KCND3: variants seen among roughly 807,000 people sequenced by gnomAD.
KCND3 encodes the protein potassium voltage-gated channel subfamily D member 3.
A neutral mutation model predicts 51.1 loss-of-function variants in KCND3; 9 were observed. The observed-to-expected ratio is 0.18, with a 90% CI of 0.11 to 0.31. The LOEUF is 0.31. Among genes scored for constraint, KCND3 ranks in the 10% least tolerant of loss-of-function variants. The probability of loss-of-function intolerance (pLI) is 1.00; values close to 1 mark genes in which losing one functional copy is unlikely to be tolerated. For missense variants in KCND3, 526 were observed against 903.8 expected (o/e 0.58, Z 5.36); for synonymous variants, 349 against 368.0 (o/e 0.95, Z 0.59).
At chr1:111,965,486 A>ACACACACACACG (rs1239593623) in intron 2 of KCND3, among the ~76,000 whole-genome samples, 1 of 147,920 alleles carries the variant, frequency 6.8e-6, no homozygotes, top group Non-Finnish European at 1.5e-5. Context: ...ACACACACAC[A>ACACACACACACG]CACGCCAGGA....
chr1:111,883,990 T>C (rs17028950), intron 2 of KCND3, among the ~76,000 whole-genome samples: 2,191 of 152,344 alleles, frequency 0.014, 45 homozygotes, highest in African/African-American at 0.051. Context: ...GGGATTCCGA[T>C]GCAGATCTGT....
intron 2 of KCND3, among the ~76,000 whole-genome samples, chr1:111,803,261 C>T (rs1255550341): frequency 1.3e-5 from 2 of 152,162 alleles, no homozygotes; most frequent in Admixed American, 6.5e-5. Flanking sequence ...TTGCCTGGGA[C>T]ACCTCTGCCT....
At chr1:111,916,211 T>A (rs72692602) in intron 2 of KCND3, among the ~76,000 whole-genome samples, 2 of 151,976 alleles carry the variant, frequency 1.3e-5, no homozygotes, top group African/African-American at 4.8e-5. Context: ...TAGAATGAAA[T>A]CATATAGCCT....
chr1:111,838,875 A>G (rs1667197347), intron 2 of KCND3, among the ~76,000 whole-genome samples: 1 of 152,178 alleles, frequency 6.6e-6, no homozygotes, highest in Admixed American at 6.5e-5. Context: ...TTTACTCACA[A>G]TGTGATAGGG....
intron 2 of KCND3, among the ~76,000 whole-genome samples, chr1:111,805,991 A>G (rs1229223383): frequency 6.6e-6 from 1 of 152,202 alleles, no homozygotes; most frequent in Non-Finnish European, 1.5e-5. Context: ...GGTTCCCCTC[A>G]GGCCAAATCC....
chr1:111,812,259 C>A (rs940486702), intron 2 of KCND3, among the ~76,000 whole-genome samples: 1 of 152,238 alleles, frequency 6.6e-6, no homozygotes, highest in Non-Finnish European at 1.5e-5. Flanking sequence ...GGTTTTCACA[C>A]CCTCAGGGCC....
chr1:111,848,074 A>G (rs1667641964), intron 2 of KCND3, among the ~76,000 whole-genome samples: 1 of 152,174 alleles, frequency 6.6e-6, no homozygotes, highest in Admixed American at 6.5e-5. Context: ...TTTCATGAGG[A>G]CCTGTGTGTC....
chr1:111,851,956 G>A lies in KCND3; in HGVS notation c.1107-64850C>T, dbSNP rs1667835929. Among the ~76,000 whole-genome samples, 3 of 152,316 alleles carry A rather than the reference G, an allele frequency of 2.0e-5. No homozygotes were observed. In the South Asian group the frequency reaches 6.2e-4, roughly 32 times the overall value. ...GTTTGGCTCCCTATAGCCTCCTCTT[G>A]TCTCTGCCTCTAAGCTCCCAGGAGT... On this transcript the variant is annotated intron_variant, in intron 2 of 7. Transcript: ENST00000302127.
Position 111,915,765 on chromosome 1 carries a change from AC to A in KCND3, c.1106+65855del, listed in dbSNP as rs1348745787. Reference sequence around the variant, plus strand: ...GAGACTCTGTCTCAAAAAAAAAAAAACAAAAAAAAAAACTGGAGTGACTATA... The same window carrying A: ...GAGACTCTGTCTCAAAAAAAAAAAAAAAAAAAAAAAACTGGAGTGACTATA... On this transcript the variant is annotated intron_variant, in intron 2 of 7. Transcript: ENST00000302127. Among the ~76,000 whole-genome samples, 30 of 150,846 alleles carry A rather than the reference AC, an allele frequency of 2.0e-4. 2 individuals are homozygous for A. Among genetic ancestry groups the A allele is most frequent in the Middle Eastern group, 3.4e-3 (1 of 294 alleles).
intron 2 of KCND3, among the ~76,000 whole-genome samples, chr1:111,917,493 T>C (rs1389929882): frequency 6.6e-6 from 1 of 152,190 alleles, no homozygotes; most frequent in East Asian, 1.9e-4. Context: ...ACTGAGATTA[T>C]ATAATGGGGA....
chr1:111,865,989 AGCC>A (rs1449835147), intron 2 of KCND3, among the ~76,000 whole-genome samples: 1 of 152,214 alleles, frequency 6.6e-6, no homozygotes, highest in Admixed American at 6.5e-5. Context: ...TACAGGTGTG[AGCC>A]ACCATGCCTG....
Position 111,885,813 on chromosome 1 carries a change from C to T in KCND3, c.1106+95808G>A, listed in dbSNP as rs539932450. ...TCAGCCTCCTGAGTAGCTGGGATTA[C>T]AGGCGCCTGCCACCATGCCCAGCTA... is the stretch of plus-strand genomic sequence containing the variant. On this transcript the variant is annotated intron_variant, in intron 2 of 7. Transcript: ENST00000302127. Among the ~76,000 whole-genome samples the T allele has an allele frequency of 2.6e-5, 4 of 152,228 alleles. No individual in the cohort carries two copies. In the South Asian group the frequency reaches 8.3e-4, roughly 32 times the overall value.
At chr1:111,777,443 A>C (rs1286745846) in intron 6 of KCND3, among the ~76,000 whole-genome samples, 170 bp from the exon 7 acceptor site, 1 of 152,188 alleles carries the variant, frequency 6.6e-6, no homozygotes, top group African/African-American at 2.4e-5. Flanking sequence ...TGGGCATCCA[A>C]TGAGGACAGA....
At chr1:111,933,176 G>A (rs1293392326) in intron 2 of KCND3, among the ~76,000 whole-genome samples, 1 of 152,182 alleles carries the variant, frequency 6.6e-6, no homozygotes, top group African/African-American at 2.4e-5. Context: ...ACCCTGTCAA[G>A]AGGTGCCTTC....
chr1:111,903,038 G>A (rs17675018), intron 2 of KCND3, among the ~76,000 whole-genome samples: 1,987 of 152,330 alleles, frequency 0.013, 20 homozygotes, highest in Non-Finnish European at 0.02. Context: ...CTCAAAAACA[G>A]ATTCTGAAGG....
intron 2 of KCND3, among the ~76,000 whole-genome samples, chr1:111,904,709 C>A (rs1043648746): frequency 6.6e-6 from 1 of 152,200 alleles, no homozygotes; most frequent in Admixed American, 6.5e-5. Flanking sequence ...CGGCAAGCTG[C>A]GTGACAGCCG....
chr1:111,974,742 C>A (rs761177093), intron 2 of KCND3, among the ~76,000 whole-genome samples: 20 of 152,180 alleles, frequency 1.3e-4, no homozygotes, highest in Admixed American at 5.9e-4. Flanking sequence ...GGAGGAATCC[C>A]GGTTGTGTTT....
chr1:111,914,535 G>A (rs1410250069), intron 2 of KCND3, among the ~76,000 whole-genome samples: 1 of 152,078 alleles, frequency 6.6e-6, no homozygotes, highest in East Asian at 1.9e-4. Flanking sequence ...AGCAGCCAGT[G>A]GAAAAAGGAC....
At chr1:111,843,245 CCCTGTGCACAGA>C (rs1207778274) in intron 2 of KCND3, among the ~76,000 whole-genome samples, 3 of 152,202 alleles carry the variant, frequency 2.0e-5, no homozygotes, top group African/African-American at 7.2e-5. Context: ...AGGGACACAG[CCCTGTGCACAGA>C]CTGACCACTG....
Sources: allele counts gnomAD v4.1 joint callset (sites outside exome capture counted in the v4.1 genomes callset), GRCh38; gene constraint gnomAD v4.1.1; transcripts MANE v1.5; gene names NCBI Gene and HGNC (gene_info 2026-07-23, HGNC 2026-07-21).